Variants in SPAG16 observed in about 807,000 individuals in gnomAD.
The protein encoded by SPAG16 is sperm associated antigen 16.
In SPAG16, 86 loss-of-function variants were observed where a neutral mutation model predicts 80.4. The ratio of observed to expected loss-of-function variants is 1.07; its 90% CI spans 0.90 to 1.28. The LOEUF is 1.28. Among genes scored for constraint, SPAG16 ranks in the 50% most tolerant of loss-of-function variants. The probability of loss-of-function intolerance (pLI) is 0.00; values close to 1 mark genes in which losing one functional copy is unlikely to be tolerated. For missense variants in SPAG16, 870 were observed against 765.3 expected (o/e 1.14, Z -1.61); for synonymous variants, 294 against 265.9 (o/e 1.11, Z -1.03).
At chr2:213,859,422 A>ACCC (rs1477285660) in intron 10 of SPAG16, among the ~76,000 whole-genome samples, 2 of 151,908 alleles carry the variant, frequency 1.3e-5, no homozygotes, top group Non-Finnish European at 2.9e-5. Context: ...GGTTCTTCTA[A>ACCC]CCCCTCTAAC....
intron 9 of SPAG16, among the ~76,000 whole-genome samples, chr2:213,451,755 G>C (rs115822680): frequency 0.015 from 2,214 of 152,250 alleles, 24 homozygotes; most frequent in South Asian, 0.037. Flanking sequence ...GTTAGGACCG[G>C]GTGTGCCGTA....
chr2:213,386,078 C>G (rs1472891899), intron 9 of SPAG16, among the ~76,000 whole-genome samples: 2 of 152,086 alleles, frequency 1.3e-5, no homozygotes, highest in Non-Finnish European at 1.5e-5. Flanking sequence ...ATTTCTTCAT[C>G]TTTGAAATGT....
intron 15 of SPAG16, among the ~76,000 whole-genome samples, chr2:214,327,590 T>G (rs751170461): frequency 6.6e-6 from 1 of 152,224 alleles, no homozygotes; most frequent in Non-Finnish European, 1.5e-5. Flanking sequence ...TAACTGCCTT[T>G]TGGTTGCTCG....
intron 10 of SPAG16, among the ~76,000 whole-genome samples, chr2:213,766,502 C>G (rs1458698572): frequency 6.6e-6 from 1 of 152,186 alleles, no homozygotes; most frequent in African/African-American, 2.4e-5. Flanking sequence ...TGTCAGGGAG[C>G]TGATGAAAGC....
chr2:213,660,728 G>A (rs1379910878), intron 10 of SPAG16, among the ~76,000 whole-genome samples: 1 of 152,106 alleles, frequency 6.6e-6, no homozygotes, highest in African/African-American at 2.4e-5. Flanking sequence ...AGCACTCCCA[G>A]GATCATAGAT....
At chr2:213,790,754 G>A (rs2070647565) in intron 10 of SPAG16, among the ~76,000 whole-genome samples, 1 of 151,950 alleles carries the variant, frequency 6.6e-6, no homozygotes, top group Non-Finnish European at 1.5e-5. Flanking sequence ...AATGAAGGTA[G>A]CTTAAGATGT....
At chr2:213,748,642 G>A (rs764391979) in intron 10 of SPAG16, among the ~76,000 whole-genome samples, 18 of 152,024 alleles carry the variant, frequency 1.2e-4, no homozygotes, top group Non-Finnish European at 2.2e-4. Context: ...GAAAGTAAGC[G>A]TAAGGACTAT....
chr2:213,627,907 T>C (rs1295113152), intron 10 of SPAG16, among the ~76,000 whole-genome samples: 2 of 152,364 alleles, frequency 1.3e-5, no homozygotes, highest in East Asian at 3.9e-4. Context: ...TACTATTCTT[T>C]CCTCCAGTTC....
chr2:214,004,006 T>C (rs1335464594), intron 12 of SPAG16, among the ~76,000 whole-genome samples: 1 of 152,126 alleles, frequency 6.6e-6, no homozygotes, highest in Non-Finnish European at 1.5e-5. Flanking sequence ...GTATGAGAGT[T>C]GAAACACAAA....
intron 14 of SPAG16, among the ~76,000 whole-genome samples, chr2:214,115,673 T>G (rs922966294): frequency 2.0e-5 from 3 of 151,920 alleles, no homozygotes; most frequent in African/African-American, 7.3e-5. Flanking sequence ...GGTCAGGAGA[T>G]CGAGACCATC....
At chr2:214,313,779 A>G (rs1452738935) in intron 15 of SPAG16, among the ~76,000 whole-genome samples, 1 of 152,122 alleles carries the variant, frequency 6.6e-6, no homozygotes, top group African/African-American at 2.4e-5. Flanking sequence ...TACCACATTC[A>G]GGATAATGAC....
At chr2:214,389,747 C>T (rs551346540) in intron 15 of SPAG16, among the ~76,000 whole-genome samples, 26 of 152,270 alleles carry the variant, frequency 1.7e-4, no homozygotes, top group African/African-American at 6.0e-4. Flanking sequence ...TTTTTGAATC[C>T]ATTTTTACTA....
rs869276304 is a variant in SPAG16, at chr2:213,869,280, T to TATATATATATAC, written c.1214+6652_1214+6653insATATATATATAC. 4.7e-4 allele frequency among the ~76,000 whole-genome samples: 53 copies of TATATATATATAC among 112,448 alleles called. 1 individual carries two copies. The highest frequency in any genetic ancestry group is 1.0e-3 in the African/African-American group (35 of 34,260). 73.8% of individuals were successfully genotyped at this position (112,448 alleles called of 152,430 possible). ...AAAAAAAAAAATATATATATATATA[T>TATATATATATAC]GTATATATATATGTATATATATATA... On this transcript the variant is annotated intron_variant, in intron 11 of 15. Transcript: ENST00000331683.
At chr2:213,907,813 T>TA (rs912797590) in intron 11 of SPAG16, among the ~76,000 whole-genome samples, 2 of 151,918 alleles carry the variant, frequency 1.3e-5, no homozygotes, top group African/African-American at 4.8e-5. Flanking sequence ...ATGTGGGAGC[T>TA]AAAAAAACGT....
intron 9 of SPAG16, among the ~76,000 whole-genome samples, chr2:213,381,024 A>G (rs1403858239): frequency 6.6e-6 from 1 of 152,238 alleles, no homozygotes; most frequent in Non-Finnish European, 1.5e-5. Flanking sequence ...ATCTATTTCA[A>G]GAATACAATC....
At chr2:214,046,289 C>T (rs921715557) in intron 13 of SPAG16, among the ~76,000 whole-genome samples, 1 of 151,970 alleles carries the variant, frequency 6.6e-6, no homozygotes, top group African/African-American at 2.4e-5. Flanking sequence ...AGAAATAATC[C>T]AAATCTTACT....
intron 9 of SPAG16, among the ~76,000 whole-genome samples, chr2:213,473,022 T>C (rs1464582221): frequency 6.6e-6 from 1 of 152,228 alleles, no homozygotes; most frequent in African/African-American, 2.4e-5. Flanking sequence ...GTCTGTAAAC[T>C]GGCTCAAGTC....
chr2:213,476,638 C>T lies in SPAG16; in HGVS notation c.943-13325C>T, dbSNP rs895809478. On this transcript the variant is annotated intron_variant, in intron 9 of 15. Coordinates refer to ENST00000331683, the MANE Select transcript of SPAG16 (RefSeq NM_024532.5). ...CTTTAATTGATCCTGGATGAACCCC[C>T]AGAAATGTTGTGGCATTTTTGCTCG... 2.6e-5 allele frequency among the ~76,000 whole-genome samples: 4 copies of T among 152,170 alleles called. No individual in the cohort carries two copies. The East Asian group carries it at 5.8e-4, about 22-fold the overall frequency.
intron 14 of SPAG16, among the ~76,000 whole-genome samples, chr2:214,128,041 A>G (rs2125484607): frequency 6.6e-6 from 1 of 152,010 alleles, no homozygotes; most frequent in African/African-American, 2.4e-5. Context: ...AATGTCCTTT[A>G]ATTCTCAAGT....
Sources: gnomAD v4.1 joint callset for allele counts (sites outside exome capture counted in the v4.1 genomes callset) on GRCh38, gnomAD v4.1.1 for gene constraint, MANE v1.5 for transcripts, NCBI Gene and HGNC (gene_info 2026-07-23, HGNC 2026-07-21) for gene names.